The following HNRNPUL1 variants were observed in gnomAD, a reference collection of about 807,000 sequenced individuals.
The protein encoded by HNRNPUL1 is heterogeneous nuclear ribonucleoprotein U like 1, also known as heterogeneous nuclear ribonucleoprotein U-like protein 1.
Under a neutral mutation model 108.5 loss-of-function variants are expected in HNRNPUL1, and 14 were observed. That is an observed-to-expected ratio of 0.13 (90% CI 0.09 to 0.20). The LOEUF (loss-of-function observed/expected upper bound fraction) is 0.20, where lower values mean the gene tolerates loss of function less well. Among genes scored for constraint, HNRNPUL1 ranks in the 10% least tolerant of loss-of-function variants. The pLI, the probability that HNRNPUL1 is intolerant of heterozygous loss-of-function variation, is 1.00. For missense variants in HNRNPUL1, 804 were observed against 1,168.3 expected (o/e 0.69, Z 4.55); for synonymous variants, 422 against 445.2 (o/e 0.95, Z 0.66).
chr19:41,276,548 T>G (rs765713526), intron 5 of HNRNPUL1: 2 of 392,622 alleles, frequency 5.1e-6, no homozygotes, highest in East Asian at 8.6e-5. Context: ...CCAGGTATTA[T>G]GTAGTCAACC....
At chr19:41,302,214 GTTT>G (rs58368849) in intron 11 of HNRNPUL1, among the ~76,000 whole-genome samples, 1 of 92,428 alleles carries the variant, frequency 1.1e-5, no homozygotes, top group Non-Finnish European at 2.1e-5. Context: ...CTCTCTCTCT[GTTT>G]TTTTTTTTTT....
chr19:41,271,587 C>T (rs975475127), intron 2 of HNRNPUL1, among the ~76,000 whole-genome samples: 3 of 152,190 alleles, frequency 2.0e-5, no homozygotes, highest in African/African-American at 7.2e-5. Flanking sequence ...GCACTGATTC[C>T]TGGAGTCTGC....
At chr19:41,303,001 T>C (rs770139368) in intron 12 of HNRNPUL1, 52 bp downstream of exon 12, 1 of 1,501,430 alleles carries the variant, frequency 6.7e-7, no homozygotes, top group Non-Finnish European at 8.9e-7. Context: ...AGGTTGGGGC[T>C]GGGCTTTGAC....
chr19:41,292,557 A>G lies in HNRNPUL1; in HGVS notation c.1266+46A>G. 6.3e-7 allele frequency: 1 copy of G among 1,583,690 alleles called. No homozygotes were observed. Among genetic ancestry groups the G allele is most frequent in the Non-Finnish European group, 8.6e-7 (1 of 1,161,468 alleles). The stretch of plus-strand genomic sequence containing the variant: ...TTGGTGGCCACCTTGCTGCCAAGAC[A>G]GAGGAGACACACACACACACACACA... On this transcript the variant is annotated intron_variant, in intron 8 of 14. Transcript: ENST00000392006. This position sits in a 1 kb window ranked among gnomAD's most constrained non-coding sequence, Gnocchi z 4.1.
At chr19:41,303,255 A>T (rs75140759) in intron 12 of HNRNPUL1, among the ~76,000 whole-genome samples, 1 of 152,120 alleles carries the variant, frequency 6.6e-6, no homozygotes, top group East Asian at 1.9e-4. Flanking sequence ...ATCTAGATCA[A>T]AATCTATTGG....
intron 1 of HNRNPUL1, among the ~76,000 whole-genome samples, chr19:41,267,106 C>T (rs2034899855): frequency 6.6e-6 from 1 of 152,182 alleles, no homozygotes; most frequent in Admixed American, 6.5e-5. Flanking sequence ...AGTCACTTCA[C>T]CTCTGTGGGC....
chr19:41,273,488 C>CA (rs888066153), intron 3 of HNRNPUL1, among the ~76,000 whole-genome samples: 1 of 152,114 alleles, frequency 6.6e-6, no homozygotes, highest in Non-Finnish European at 1.5e-5. Flanking sequence ...TAATTTAGGA[C>CA]ACTGAAAAAA....
intron 6 of HNRNPUL1, chr19:41,280,903 T>G (rs1349387657): frequency 2.7e-6 from 1 of 375,318 alleles, no homozygotes; most frequent in Non-Finnish European, 5.0e-6. Context: ...CCCTTTCTTT[T>G]CAAATTCTCC....
At chr19:41,264,098 A>G (rs1427048798), upstream of HNRNPUL1, among the ~76,000 whole-genome samples, 1 of 152,184 alleles carries the variant, frequency 6.6e-6, no homozygotes, top group Non-Finnish European at 1.5e-5. Context: ...CCTTATTTTC[A>G]TTGGACCTTA....
chr19:41,265,284 T>A (rs1291841891), intron 1 of HNRNPUL1: 8 of 1,506,182 alleles, frequency 5.3e-6, no homozygotes, highest in Non-Finnish European at 7.1e-6. Context: ...GCGAGAGTTC[T>A]GAGGAAGGAG....
chr19:41,297,633 G>C (rs1245982056), intron 10 of HNRNPUL1, among the ~76,000 whole-genome samples: 1 of 152,144 alleles, frequency 6.6e-6, no homozygotes, highest in Admixed American at 6.5e-5. Flanking sequence ...AGGCTTCTGG[G>C]GAGCCTCCGC....
chr19:41,265,176 C>T, intron 1 of HNRNPUL1: 1 of 1,461,292 alleles, frequency 6.8e-7, no homozygotes, highest in Non-Finnish European at 9.0e-7. Context: ...GGGTACGGAG[C>T]TCCGTGGGCT....
At chr19:41,287,291 G>A (rs937404202) in intron 7 of HNRNPUL1, among the ~76,000 whole-genome samples, 3 of 152,196 alleles carry the variant, frequency 2.0e-5, no homozygotes, top group Non-Finnish European at 4.4e-5. Context: ...TAGGATTACA[G>A]GTGTGAGCCA....
intron 7 of HNRNPUL1, chr19:41,286,444 G>C (rs971631841): frequency 8.5e-5 from 13 of 152,056 alleles, no homozygotes; most frequent in African/African-American, 3.1e-4. Flanking sequence ...ACAGGGTCTT[G>C]CTGCATTTTC....
intron 10 of HNRNPUL1, 63 bp from the exon 11 acceptor site, chr19:41,301,473 C>A: frequency 1.4e-6 from 2 of 1,454,870 alleles, no homozygotes; most frequent in East Asian, 2.3e-5. Context: ...CATAATACCC[C>A]TCAGAGGAAA....
rs1390792235 is a variant in HNRNPUL1, at chr19:41,264,562, T to C, written c.59T>C (p.Leu20Pro). ...CGCGAGGAGCTGCAGCGCCGCGGCC[T>C]GGACACTCGAGGCCTCAAGGCCGAG... ...ELREELQRRG[L>P]DTRGLKAELA... is the part of the protein sequence containing the mutation. Residue 20 changes from leucine (L) to proline (P), a missense_variant, in exon 1 of 15, where the codon CTG (leucine) becomes CCG (proline). Transcript: ENST00000392006. 4.5e-6 allele frequency: 7 copies of C among 1,541,428 alleles called. No homozygotes were observed.
In HNRNPUL1 at chr19:41,268,132, C is replaced by CA. The variant is rs1352506106; in HGVS notation, c.296-91_296-90insA. 2.7e-4 allele frequency: 339 copies of CA among 1,272,696 alleles called. 4 individuals carry two copies. The South Asian group carries it at 3.1e-3, about 12-fold the overall frequency. The allele number at this position is 1,272,696 out of a possible 1,614,324, so 78.8% of individuals were successfully genotyped here. A position where few individuals can be genotyped will look rare whatever the true frequency, so the allele number is the denominator to read the frequency against. Reference sequence around the variant, plus strand: ...ATTATTCTTACCACTCTTAGTTGAGCTCCTGGACCTGCAGATGCCTTCTGG... The same window carrying CA: ...ATTATTCTTACCACTCTTAGTTGAGCATCCTGGACCTGCAGATGCCTTCTGG... On this transcript the variant is annotated intron_variant, in intron 1 of 14. Transcript: ENST00000392006.
intron 7 of HNRNPUL1, among the ~76,000 whole-genome samples, chr19:41,282,429 G>A (rs1328542759): frequency 1.3e-5 from 2 of 152,104 alleles, no homozygotes; most frequent in East Asian, 1.9e-4. Flanking sequence ...TGATCTGCTC[G>A]CCTCGGCCTT....
Position 41,294,767 on chromosome 19 carries a change from CT to C in HNRNPUL1, c.1518+87del, listed in dbSNP as rs893365490. 8 of 1,539,962 alleles carry C rather than the reference CT, an allele frequency of 5.2e-6. No homozygotes were observed. Among genetic ancestry groups the C allele is most frequent in the Non-Finnish European group, 6.3e-6 (7 of 1,118,392 alleles). ...CTGAGAATCTCCCTCTGGTCCCTTT[CT>C]TTTTTCCCCCGTAATGATGATGGAC... On this transcript the variant is annotated intron_variant, in intron 10 of 14. Coordinates refer to ENST00000392006, the MANE Select transcript of HNRNPUL1 (RefSeq NM_007040.6). The surrounding 1 kb of genome is among the most constrained non-coding windows in gnomAD (Gnocchi z 4.3).
Sources: allele counts gnomAD v4.1 joint callset (sites outside exome capture counted in the v4.1 genomes callset), GRCh38; gene constraint gnomAD v4.1.1; non-coding constraint Gnocchi (gnomAD v3.1); transcripts MANE v1.5; gene names NCBI Gene and HGNC (gene_info 2026-07-23, HGNC 2026-07-21).